Variants in ARMC10 observed in about 807,000 individuals in gnomAD.
The protein encoded by ARMC10 is armadillo repeat containing 10, also known as armadillo repeat-containing protein 10.
A neutral mutation model predicts 30.2 loss-of-function variants in ARMC10; 23 were observed. The ratio of observed to expected loss-of-function variants is 0.76; its 90% confidence interval spans 0.55 to 1.08. The LOEUF (loss-of-function observed/expected upper bound fraction) is 1.08, where lower values mean the gene tolerates loss of function less well. Among genes scored for constraint, ARMC10 ranks in the 50% least tolerant of loss-of-function variants. The probability of loss-of-function intolerance (pLI) is 0.00; values close to 1 mark genes in which losing one functional copy is unlikely to be tolerated. For synonymous variants in ARMC10, 111 were observed against 164.4 expected, an observed-to-expected ratio of 0.68 and a Z score of 2.48; for missense variants, 303 against 413.7, an observed-to-expected ratio of 0.73 and a Z score of 2.32.
rs546012364 is a variant in ARMC10 at position 103,095,975 on chromosome 7, C to A, written c.706-1302C>A. 27 of 152,008 alleles carry A rather than the reference C, an allele frequency of 1.8e-4. No individual in the cohort carries two copies. In the South Asian group the frequency reaches 5.4e-3, roughly 30 times the overall value. The allele number at this position is 152,008 out of a possible 1,614,324, so 9.4% of individuals were successfully genotyped here. A position where few individuals can be genotyped will look rare whatever the true frequency, so the allele number is the denominator to read the frequency against. On this transcript the variant is annotated intron_variant, in intron 5 of 6. Transcript: ENST00000323716. ...GGGAGGGATAGCATTGGGAGATATACCTAATGCTAGATGACGAGTTAGTGG... is the reference window on the plus strand; with the variant it reads ...GGGAGGGATAGCATTGGGAGATATAACTAATGCTAGATGACGAGTTAGTGG...
chr7:103,096,225 A>G (rs1025440085), intron 5 of ARMC10: 9 of 152,196 alleles, frequency 5.9e-5, no homozygotes, highest in Non-Finnish European at 1.2e-4. Context: ...ATTGCTGGGC[A>G]TGGTGGCTCA....
chr7:103,089,318 C>T, intron 4 of ARMC10: 1 of 187,448 alleles, frequency 5.3e-6, no homozygotes, highest in Non-Finnish European at 1.2e-5. Flanking sequence ...GCGTAATCTG[C>T]TCCCAGAGAT....
chr7:103,078,074 C>T (rs1800051008), intron 2 of ARMC10, among the ~76,000 whole-genome samples: 1 of 152,022 alleles, frequency 6.6e-6, no homozygotes, highest in South Asian at 2.1e-4. Flanking sequence ...CAGCTCACTG[C>T]AACCGCCACC....
chr7:103,091,211 TTGAGC>T lies in ARMC10; in HGVS notation c.529-1264_529-1260del, dbSNP rs1801289480. Among the ~76,000 whole-genome samples, 5 of 152,118 alleles carry T rather than the reference TTGAGC, an allele frequency of 3.3e-5. No individual in the cohort carries two copies. In the South Asian group the frequency reaches 1.0e-3, roughly 32 times the overall value. ...TGGGAGGCTGAGGCAGGCAGATCACTTGAGCTCAAGAGTTTGAGACCAGCCTGGGC... is the reference window on the plus strand; with the variant it reads ...TGGGAGGCTGAGGCAGGCAGATCACTTCAAGAGTTTGAGACCAGCCTGGGC... On this transcript the variant is annotated intron_variant, in intron 4 of 6. Coordinates refer to ENST00000323716, the MANE Select transcript of ARMC10 (RefSeq NM_031905.5).
At chr7:103,075,568 G>T (rs975417834) in intron 1 of ARMC10, among the ~76,000 whole-genome samples, 157 bp downstream of exon 1, 4 of 152,214 alleles carry the variant, frequency 2.6e-5, no homozygotes, top group African/African-American at 7.2e-5. Flanking sequence ...CGCCCCCGCC[G>T]CCCCTTTGCT....
At chr7:103,080,250 T>G (rs1353070527) in intron 2 of ARMC10, among the ~76,000 whole-genome samples, 4 of 152,188 alleles carry the variant, frequency 2.6e-5, no homozygotes, top group African/African-American at 7.2e-5. Context: ...TTATACATGG[T>G]TTTTGTTTTG....
intron 6 of ARMC10, 88 bp downstream of exon 6, chr7:103,097,436 T>G: frequency 1.0e-6 from 1 of 967,746 alleles, no homozygotes; most frequent in East Asian, 2.6e-5. Context: ...GCCTAAAATG[T>G]TAACAGGGAT....
chr7:103,085,727 G>A (rs1800789873), intron 3 of ARMC10, among the ~76,000 whole-genome samples: 1 of 150,732 alleles, frequency 6.6e-6, no homozygotes, highest in South Asian at 2.1e-4. Flanking sequence ...CGATTCTCCT[G>A]CCTTAACCTC....
intron 4 of ARMC10, chr7:103,087,928 A>C: frequency 3.9e-6 from 1 of 258,988 alleles, no homozygotes; most frequent in Non-Finnish European, 6.0e-6. Context: ...TGAGCTTATT[A>C]ATTTCAATAA....
rs1799704050 is a variant in ARMC10, at chr7:103,075,767, C to T, written c.140-10C>T. On this transcript the variant is annotated splice_polypyrimidine_tract_variant and intron_variant, in intron 1 of 6. Transcript: ENST00000323716. ...GGGGCCCAGAGCCATAGGTCAATCT[C>T]TGCTTGCAGGTGCCCTGGAAGAAGG... 6.3e-7 allele frequency: 1 copy of T among 1,598,670 alleles called. No individual in the cohort carries two copies. The highest frequency in any genetic ancestry group is 8.5e-7 in the Non-Finnish European group (1 of 1,172,360).
chr7:103,092,567 A>T lies in ARMC10; in HGVS notation c.619A>T (p.Thr207Ser), dbSNP rs748925242. The T allele has an allele frequency of 1.2e-4, 192 of 1,610,016 alleles. No homozygotes were observed. Among genetic ancestry groups the T allele is most frequent in the Non-Finnish European group, 1.6e-4 (190 of 1,176,800 alleles). ...TGGACTGACATTGTTGACAAACATGACTGTTACCAATGACCACCAGCACAT... is the reference window on the plus strand; with the variant it reads ...TGGACTGACATTGTTGACAAACATGTCTGTTACCAATGACCACCAGCACAT... The part of the protein sequence containing the change: ...LAGLTLLTNM[T>S]VTNDHQHMLH... The change falls in exon 5 of 7, where the codon ACT becomes TCT. Residue 207 changes from threonine to serine, a missense_variant. This residue lies in a region of ARMC10 where 170 missense variants were observed against 207.2 expected (regional missense o/e 0.82). Coordinates refer to ENST00000323716, the MANE Select transcript of ARMC10 (RefSeq NM_031905.5).
At chr7:103,092,351 A>AAT in intron 4 of ARMC10, 126 bp from the exon 5 acceptor site, 9 of 469,954 alleles carry the variant, frequency 1.9e-5, no homozygotes, top group Non-Finnish European at 3.2e-5. Flanking sequence ...AAAAAAAAAA[A>AAT]GTCGTATTTT....
intron 3 of ARMC10, among the ~76,000 whole-genome samples, chr7:103,085,265 A>G (rs911559921): frequency 1.4e-4 from 22 of 152,192 alleles, no homozygotes; most frequent in Non-Finnish European, 2.8e-4. Context: ...TACAGTTAAA[A>G]AAAAAAAAAA....
intron 6 of ARMC10, among the ~76,000 whole-genome samples, chr7:103,098,044 G>A (rs1367009112): frequency 1.3e-5 from 2 of 152,136 alleles, no homozygotes; most frequent in African/African-American, 4.8e-5. Flanking sequence ...CAAGGAAATT[G>A]TATTTTTCCA....
At chr7:103,097,026 G>A (rs1373457122) in intron 5 of ARMC10, 4 of 500,300 alleles carry the variant, frequency 8.0e-6, no homozygotes, top group African/African-American at 3.8e-5. Flanking sequence ...CGATGTAATT[G>A]GAAAAATGAG....
At chr7:103,093,666 G>T (rs1801537825) in intron 5 of ARMC10, among the ~76,000 whole-genome samples, 1 of 152,108 alleles carries the variant, frequency 6.6e-6, no homozygotes, top group Non-Finnish European at 1.5e-5. Context: ...GAACCCCTGG[G>T]GAAACTCCTT....
At chr7:103,078,606 G>A (rs1800106048) in intron 2 of ARMC10, among the ~76,000 whole-genome samples, 4 of 152,196 alleles carry the variant, frequency 2.6e-5, no homozygotes, top group African/African-American at 4.8e-5. Flanking sequence ...CATGAGAATG[G>A]ACTAATAAAG....
In ARMC10 at chr7:103,083,670, C is replaced by G. The variant is rs920829679; in HGVS notation, c.245-12C>G. 33 of 1,598,320 alleles carry G rather than the reference C, an allele frequency of 2.1e-5. No homozygotes were observed. The highest frequency in any genetic ancestry group is 2.8e-5 in the Non-Finnish European group (33 of 1,172,772). On this transcript the variant is annotated splice_polypyrimidine_tract_variant and intron_variant, in intron 2 of 6. Transcript: ENST00000323716. ...TTTTAGCTTAACTTCAAATAACTTT[C>G]TTCTTATGCAGAAGACTTAACTGAT...
chr7:103,075,463 C>T (rs1258999989), intron 1 of ARMC10, 52 bp downstream of exon 1: 1 of 1,273,334 alleles, frequency 7.9e-7, no homozygotes, highest in Non-Finnish European at 9.9e-7. Context: ...AGGGGGGCTC[C>T]CCAGGCCGGG....
Sources: gnomAD v4.1 joint callset for allele counts (sites outside exome capture counted in the v4.1 genomes callset) on GRCh38, gnomAD v4.1.1 for gene constraint, gnomAD v4.1.1 regional missense constraint, MANE v1.5 for transcripts, NCBI Gene and HGNC (gene_info 2026-07-23, HGNC 2026-07-21) for gene names.